The following NKAIN2 variants were observed in gnomAD, a reference collection of about 807,000 sequenced individuals.
The protein encoded by NKAIN2 is sodium/potassium transporting ATPase interacting 2, also known as sodium/potassium-transporting ATPase subunit beta-1-interacting protein 2.
In NKAIN2, 14 loss-of-function variants were observed where a neutral mutation model predicts 32.6. The ratio of observed to expected loss-of-function variants is 0.43; its 90% CI spans 0.28 to 0.67. The LOEUF (loss-of-function observed/expected upper bound fraction) is 0.67. NKAIN2 is among the 30% of genes least tolerant of loss of function. The probability of loss-of-function intolerance (pLI) is 0.17; values close to 1 mark genes in which losing one functional copy is unlikely to be tolerated. For synonymous variants in NKAIN2, 80 were observed against 87.2 expected, an observed-to-expected ratio of 0.92 and a Z score of 0.46; for missense variants, 198 against 258.3, an observed-to-expected ratio of 0.77 and a Z score of 1.60.
At chr6:124,338,827 A>G (rs1797992380) in intron 2 of NKAIN2, among the ~76,000 whole-genome samples, 1 of 152,232 alleles carries the variant, frequency 6.6e-6, no homozygotes, top group African/African-American at 2.4e-5. Context: ...CTGATTCTGA[A>G]GTAGTGATGT....
rs188265148 is a variant in NKAIN2 at position 124,343,662 on chromosome 6, A to T, written c.193-11605A>T. Among the ~76,000 whole-genome samples, 116 of 149,110 alleles carry T rather than the reference A, an allele frequency of 7.8e-4. 3 individuals carry two copies. In the East Asian group the frequency reaches 0.022, roughly 28 times the overall value. On this transcript the variant is annotated intron_variant, in intron 2 of 6. Transcript: ENST00000368417. Reference sequence around the variant, plus strand: ...AAGTGTCTGTTGATATCCTTCGCCCACTTTTTGATGGGGTTGTTTGTTTTT... The same window carrying T: ...AAGTGTCTGTTGATATCCTTCGCCCTCTTTTTGATGGGGTTGTTTGTTTTT...
rs142443166 is a variant in NKAIN2 at position 124,046,072 on chromosome 6, T to G, written c.55-236933T>G. Reference sequence around the variant, plus strand: ...AGGGAAGAGAACAATGTATTACACATTATCTTTTTTTTTCCATAGGTTTTC... The same window carrying G: ...AGGGAAGAGAACAATGTATTACACAGTATCTTTTTTTTTCCATAGGTTTTC... On this transcript the variant is annotated intron_variant, in intron 1 of 6. Coordinates refer to ENST00000368417, the MANE Select transcript of NKAIN2 (RefSeq NM_001040214.3). 3.1e-3 allele frequency among the ~76,000 whole-genome samples: 465 copies of G among 152,094 alleles called. 5 individuals carry two copies. The highest frequency in any genetic ancestry group is 0.01 in the African/African-American group (428 of 41,544).
At chr6:124,365,125 TAAC>T (rs929167583) in intron 3 of NKAIN2, among the ~76,000 whole-genome samples, 16 of 151,808 alleles carry the variant, frequency 1.1e-4, no homozygotes, top group African/African-American at 3.6e-4. Context: ...GAAGAAATGC[TAAC>T]AACAACAGAG....
chr6:124,583,768 C>A (rs1307578045), intron 3 of NKAIN2, among the ~76,000 whole-genome samples: 1 of 152,142 alleles, frequency 6.6e-6, no homozygotes, highest in African/African-American at 2.4e-5. Flanking sequence ...GTAACTAAAG[C>A]AGCATAGCAC....
chr6:124,800,370 T>C (rs1445691680), intron 5 of NKAIN2, among the ~76,000 whole-genome samples: 3 of 152,084 alleles, frequency 2.0e-5, no homozygotes, highest in African/African-American at 7.2e-5. Flanking sequence ...AAAGAGAGCC[T>C]TGGAAATAAG....
At chr6:124,148,114 T>C (rs1409394039) in intron 1 of NKAIN2, among the ~76,000 whole-genome samples, 1 of 152,182 alleles carries the variant, frequency 6.6e-6, no homozygotes, top group African/African-American at 2.4e-5. Flanking sequence ...AGATTTTCAT[T>C]ATTTCATTTA....
intron 4 of NKAIN2, among the ~76,000 whole-genome samples, chr6:124,781,607 CTA>C (rs1366787728): frequency 5.3e-5 from 8 of 152,034 alleles, no homozygotes; most frequent in Non-Finnish European, 1.0e-4. Context: ...AATGGTATTG[CTA>C]GTAATTAATG....
chr6:124,487,523 A>G (rs191288450), intron 3 of NKAIN2, among the ~76,000 whole-genome samples: 2 of 152,314 alleles, frequency 1.3e-5, no homozygotes, highest in East Asian at 3.9e-4. Context: ...TGAGAATTGA[A>G]GACCATGTGG....
At chr6:124,478,533 G>A (rs1380205926) in intron 3 of NKAIN2, among the ~76,000 whole-genome samples, 1 of 152,198 alleles carries the variant, frequency 6.6e-6, no homozygotes, top group Non-Finnish European at 1.5e-5. Flanking sequence ...CACACAGGAA[G>A]ATGGGGGTAT....
intron 3 of NKAIN2, among the ~76,000 whole-genome samples, chr6:124,596,667 T>C (rs879739696): frequency 3.2e-3 from 279 of 87,568 alleles, no homozygotes; most frequent in African/African-American, 0.012. Context: ...CCATAGGGTG[T>C]GTGTGTGTGT....
intron 4 of NKAIN2, among the ~76,000 whole-genome samples, chr6:124,710,427 G>A (rs909767076): frequency 1.2e-4 from 18 of 150,366 alleles, no homozygotes; most frequent in Non-Finnish European, 3.0e-5. Context: ...GTTGACAGTG[G>A]GGTGTTAAAG....
chr6:123,958,314 T>C lies in NKAIN2; in HGVS notation c.54+154060T>C, dbSNP rs545510179. 2.6e-5 allele frequency among the ~76,000 whole-genome samples: 4 copies of C among 152,312 alleles called. No individual in the cohort carries two copies. In the South Asian group the frequency reaches 8.3e-4, roughly 32 times the overall value. Reference sequence around the variant, plus strand: ...TTACCAAATCTGAAACCATATACTGTCCCATGCATTAGCCTTATCCCCATG... The same window carrying C: ...TTACCAAATCTGAAACCATATACTGCCCCATGCATTAGCCTTATCCCCATG... On this transcript the variant is annotated intron_variant, in intron 1 of 6. Transcript: ENST00000368417.
intron 3 of NKAIN2, among the ~76,000 whole-genome samples, chr6:124,379,709 T>G (rs1772540065): frequency 6.6e-6 from 1 of 152,128 alleles, no homozygotes; most frequent in Non-Finnish European, 1.5e-5. Flanking sequence ...ATGTGTGATA[T>G]CATCTTGAAA....
intron 4 of NKAIN2, among the ~76,000 whole-genome samples, chr6:124,678,690 T>G (rs1246564261): frequency 1.3e-5 from 2 of 152,198 alleles, no homozygotes; most frequent in African/African-American, 2.4e-5. Context: ...TATACCACCA[T>G]AGTTTGGAGT....
At chr6:124,635,002 A>G (rs1425104222) in intron 3 of NKAIN2, among the ~76,000 whole-genome samples, 1 of 151,784 alleles carries the variant, frequency 6.6e-6, no homozygotes, top group Non-Finnish European at 1.5e-5. Context: ...GAAAGAAAAA[A>G]GAAAAGAAAA....
intron 3 of NKAIN2, among the ~76,000 whole-genome samples, chr6:124,538,992 A>G (rs893416311): frequency 3.3e-5 from 5 of 152,128 alleles, no homozygotes; most frequent in African/African-American, 1.2e-4. Context: ...CAAACTTCTT[A>G]AACATACTTT....
In NKAIN2 at chr6:124,105,021, C is replaced by T. The variant is rs568837236; in HGVS notation, c.55-177984C>T. On this transcript the variant is annotated intron_variant, in intron 1 of 6. Transcript: ENST00000368417. ...TAGGTACAACATATCTAATTGGATG[C>T]GGTTGTGAGGTACTGTGAAAAAAGC... Among the ~76,000 whole-genome samples, 14 of 152,168 alleles carry T rather than the reference C, an allele frequency of 9.2e-5. No homozygotes were observed. In the South Asian group the frequency reaches 2.3e-3, roughly 25 times the overall value.
chr6:123,979,730 G>A (rs1040199166), intron 1 of NKAIN2, among the ~76,000 whole-genome samples: 3 of 152,160 alleles, frequency 2.0e-5, no homozygotes, highest in Admixed American at 2.0e-4. Flanking sequence ...AGAAAGTTCA[G>A]TTAATTCAAA....
chr6:124,452,270 G>T (rs1190751370), intron 3 of NKAIN2, among the ~76,000 whole-genome samples: 2 of 151,046 alleles, frequency 1.3e-5, no homozygotes, highest in African/African-American at 4.9e-5. Flanking sequence ...AAGGGGTATT[G>T]TGTACTGAGT....
Sources: allele counts gnomAD v4.1 joint callset (sites outside exome capture counted in the v4.1 genomes callset), GRCh38; gene constraint gnomAD v4.1.1; transcripts MANE v1.5; gene names NCBI Gene and HGNC (gene_info 2026-07-23, HGNC 2026-07-21).